The following SCN10A variants were observed in gnomAD, a reference collection of about 807,000 sequenced individuals.
The protein encoded by SCN10A is sodium channel protein type 10 subunit alpha.
In SCN10A, 162 loss-of-function variants were observed where a neutral mutation model predicts 170.7. That is an observed-to-expected ratio of 0.95 (90% CI 0.84 to 1.08). The LOEUF (loss-of-function observed/expected upper bound fraction) is 1.08. Among genes scored for constraint, SCN10A ranks in the 50% least tolerant of loss-of-function variants. The pLI is 0.00. For synonymous variants in SCN10A, 985 were observed against 904.6 expected, an observed-to-expected ratio of 1.09 and a Z score of -1.59; for missense variants, 2,527 against 2,436.9, an observed-to-expected ratio of 1.04 and a Z score of -0.78.
chr3:38,707,114 C>T (rs769526833), intron 26 of SCN10A, among the ~76,000 whole-genome samples, 165 bp downstream of exon 26: 1 of 152,112 alleles, frequency 6.6e-6, no homozygotes, highest in Non-Finnish European at 1.5e-5. Flanking sequence ...TTCTTTTGAA[C>T]TTCTCATTCC....
intron 24 of SCN10A, among the ~76,000 whole-genome samples, chr3:38,710,168 C>CT (rs946861874): frequency 1.8e-4 from 27 of 150,976 alleles, no homozygotes; most frequent in South Asian, 8.4e-4. Context: ...CTTTTCTTTT[C>CT]TTTTTTTTTG....
intron 13 of SCN10A, among the ~76,000 whole-genome samples, chr3:38,742,945 G>A (rs966953850): frequency 6.6e-6 from 1 of 152,080 alleles, no homozygotes; most frequent in Non-Finnish European, 1.5e-5. Context: ...CTCTGTACTT[G>A]CACCCAACCA....
intron 7 of SCN10A, 35 bp downstream of exon 7, chr3:38,761,157 C>A: frequency 6.8e-7 from 1 of 1,480,558 alleles, no homozygotes; most frequent in Non-Finnish European, 9.3e-7. Flanking sequence ...AGGGTCCAAC[C>A]AGACCTTGGT....
At chr3:38,769,611 C>G (rs1193277890) in intron 5 of SCN10A, among the ~76,000 whole-genome samples, 2 of 152,132 alleles carry the variant, frequency 1.3e-5, no homozygotes, top group Non-Finnish European at 2.9e-5. Flanking sequence ...CTAGTTTGAT[C>G]TTTTGAGGGG....
chr3:38,814,988 T>C (rs2064463028), intron 1 of SCN10A, among the ~76,000 whole-genome samples: 1 of 152,262 alleles, frequency 6.6e-6, no homozygotes, highest in Non-Finnish European at 1.5e-5. Flanking sequence ...TGATTCAAAC[T>C]ACGTTTTAAA....
intron 15 of SCN10A, 26 bp downstream of exon 15, chr3:38,739,489 C>T: frequency 6.2e-7 from 1 of 1,604,776 alleles, no homozygotes; most frequent in Non-Finnish European, 8.5e-7. Flanking sequence ...GGGAGTTTCC[C>T]CAAGCCATCA....
intron 22 of SCN10A, 146 bp downstream of exon 22, chr3:38,713,810 CAG>C (rs1264073479): frequency 4.7e-6 from 4 of 849,130 alleles, no homozygotes; most frequent in Non-Finnish European, 7.1e-6. Context: ...GTACTTTTAG[CAG>C]AGACAGGGTT....
Position 38,752,407 on chromosome 3 carries a change from C to G in SCN10A, c.1567G>C (p.Asp523His). The change falls in exon 12 of 28, where the codon GAT (aspartate) becomes CAT (histidine). Residue 523 changes from aspartate to histidine, a missense_variant. Coordinates refer to ENST00000449082, the MANE Select transcript of SCN10A (RefSeq NM_006514.4). ...DISLPEGVTDDGVFPGDHESH... is the reference protein window; with the variant it reads ...DISLPEGVTDHGVFPGDHESH... ...TCGTGGTCTCCAGGAAAGACTCCATCATCTGTGACTCCCTCAGGGAGTGAG... is the reference window on the plus strand; with the variant it reads ...TCGTGGTCTCCAGGAAAGACTCCATGATCTGTGACTCCCTCAGGGAGTGAG... 1 of 1,613,942 alleles carries G rather than the reference C, an allele frequency of 6.2e-7. No individual in the cohort carries two copies. Among genetic ancestry groups the G allele is most frequent in the African/African-American group, 1.3e-5 (1 of 75,038 alleles).
intron 1 of SCN10A, among the ~76,000 whole-genome samples, chr3:38,802,479 C>A (rs2064378601): frequency 6.6e-6 from 1 of 152,138 alleles, no homozygotes; most frequent in Admixed American, 6.6e-5. Context: ...CCCGTTTTAA[C>A]ACATTGTAAC....
intron 4 of SCN10A, among the ~76,000 whole-genome samples, chr3:38,788,644 C>A (rs2064239779): frequency 6.6e-6 from 1 of 151,926 alleles, no homozygotes; most frequent in South Asian, 2.1e-4. Context: ...GGCGAGGAGA[C>A]TCATCTTCCC....
chr3:38,698,305 C>T lies in SCN10A; in HGVS notation c.4915G>A (p.Asp1639Asn), dbSNP rs368582725. ...FPHVRWEAGIDDMFNFQTFAN... is the reference protein window; with the variant it reads ...FPHVRWEAGINDMFNFQTFAN... The stretch of plus-strand genomic sequence containing the variant: ...AAGGTCTGGAAGTTGAACATGTCGT[C>T]GATGCCAGCCTCCCACCTCACATGG... Residue 1639 changes from aspartate (D) to asparagine (N), a missense_variant, in exon 28 of 28, where the codon GAC (aspartate) becomes AAC (asparagine). Asp to Asn is a conservative substitution (Grantham distance 23). Transcript: ENST00000449082. 72 of 1,613,982 alleles carry T rather than the reference C, an allele frequency of 4.5e-5. No homozygotes were observed. Among genetic ancestry groups the T allele is most frequent in the Admixed American group, 1.7e-5 (1 of 60,000 alleles).
At chr3:38,801,097 G>GGGCAAGGCAA (rs1475995963) in intron 1 of SCN10A, among the ~76,000 whole-genome samples, 3 of 152,116 alleles carry the variant, frequency 2.0e-5, no homozygotes, top group Non-Finnish European at 4.4e-5. Context: ...AGATTACAGT[G>GGGCAAGGCAA]GGCAAGGCAA....
At chr3:38,742,601 C>G (rs914188794) in intron 13 of SCN10A, 72 bp from the exon 14 acceptor site, 40 of 1,129,972 alleles carry the variant, frequency 3.5e-5, no homozygotes, top group Non-Finnish European at 4.7e-5. Flanking sequence ...CGGTCATCCT[C>G]TAGACCTTGT....
chr3:38,704,849 G>A (rs1172524870), intron 26 of SCN10A, among the ~76,000 whole-genome samples: 1 of 152,222 alleles, frequency 6.6e-6, no homozygotes, highest in Non-Finnish European at 1.5e-5. Context: ...TGACCAGCTT[G>A]ACCTTTGGGG....
In SCN10A at chr3:38,697,317, T is replaced by G; in HGVS notation, c.*32A>C. The G allele has an allele frequency of 6.2e-7, 1 of 1,607,312 alleles. No individual in the cohort carries two copies. Among genetic ancestry groups the G allele is most frequent in the Non-Finnish European group, 8.5e-7 (1 of 1,175,590 alleles). On this transcript the variant is annotated 3_prime_UTR_variant, in exon 28 of 28. Transcript: ENST00000449082. Reference sequence around the variant, plus strand: ...TAACACAGAGCAGAAGGACGCATCATAACTGAACATATCCAGGCTGGAGTG... The same window carrying G: ...TAACACAGAGCAGAAGGACGCATCAGAACTGAACATATCCAGGCTGGAGTG...
rs2063348466 is a variant in SCN10A, at chr3:38,717,825, C to G, written c.3681+828G>C. ...AAACCCTCAGCTATGCGGCAGTGAACAGATAACTCAGTTAACCATGCTGCA... is the reference window on the plus strand; with the variant it reads ...AAACCCTCAGCTATGCGGCAGTGAAGAGATAACTCAGTTAACCATGCTGCA... On this transcript the variant is annotated intron_variant, in intron 21 of 27. Transcript: ENST00000449082. Among the ~76,000 whole-genome samples, 4 of 152,218 alleles carry G rather than the reference C, an allele frequency of 2.6e-5. 1 individual carries two copies. The highest frequency in any genetic ancestry group is 2.6e-4 in the Admixed American group (4 of 15,282).
chr3:38,788,637 G>T (rs1012616227), intron 4 of SCN10A, among the ~76,000 whole-genome samples: 1 of 151,512 alleles, frequency 6.6e-6, no homozygotes, highest in South Asian at 2.1e-4. Flanking sequence ...GGGTGGGGGC[G>T]AGGAGACTCA....
chr3:38,697,967 A>T lies in SCN10A; in HGVS notation c.5253T>A (p.Phe1751Leu), dbSNP rs1237341276. 3.7e-6 allele frequency: 6 copies of T among 1,614,072 alleles called. No homozygotes were observed. In the East Asian group the frequency reaches 8.9e-5, roughly 24 times the overall value. Reference protein sequence around the residue: ...FDMFYETWEKFDPEATQFITF... With the variant: ...FDMFYETWEKLDPEATQFITF... ...TAATAAACTGAGTGGCCTCTGGGTC[A>T]AACTTCTCCCAGGTCTCATAGAACA... Residue 1751 changes from phenylalanine (F) to leucine (L), a missense_variant, in exon 28 of 28, where the codon TTT becomes TTA. Physicochemically the swap from Phe to Leu is conservative, Grantham distance 22. Coordinates refer to ENST00000449082, the MANE Select transcript of SCN10A (RefSeq NM_006514.4).
chr3:38,735,169 C>CAA lies in SCN10A; in HGVS notation c.2280+4344_2280+4345dup, dbSNP rs543574832. Among the ~76,000 whole-genome samples, 310 of 76,090 alleles carry CAA rather than the reference C, an allele frequency of 4.1e-3. 4 individuals are homozygous for CAA. The highest frequency in any genetic ancestry group is 0.015 in the African/African-American group (283 of 18,928). 49.9% of individuals were successfully genotyped at this position (76,090 alleles called of 152,430 possible). On this transcript the variant is annotated intron_variant, in intron 15 of 27. Coordinates refer to ENST00000449082, the MANE Select transcript of SCN10A (RefSeq NM_006514.4). ...TGGGTGACAGAGCGAGACTCTGTCT[C>CAA]AAAAAAAAAAAAAAAAAAAAGAAAG...
Sources: gnomAD v4.1 joint callset for allele counts (sites outside exome capture counted in the v4.1 genomes callset) on GRCh38, gnomAD v4.1.1 for gene constraint, MANE v1.5 for transcripts, NCBI Gene and HGNC (gene_info 2026-07-23, HGNC 2026-07-21) for gene names.